The following NOX4 variants were observed in gnomAD, a reference collection of about 807,000 sequenced individuals.
NOX4 encodes NADPH oxidase 4.
Under a neutral mutation model 87.6 loss-of-function variants are expected in NOX4, and 69 were observed. The ratio of observed to expected loss-of-function variants is 0.79; its 90% CI spans 0.65 to 0.96. The LOEUF is 0.96. Ranked by LOEUF, NOX4 falls within the 40% of genes least tolerant of loss-of-function variation. The pLI, the probability that NOX4 is intolerant of heterozygous loss-of-function variation, is 0.00. For missense variants in NOX4, 680 were observed against 681.5 expected, an observed-to-expected ratio of 1.00 and a Z score of 0.02; for synonymous variants, 275 against 238.2, an observed-to-expected ratio of 1.15 and a Z score of -1.42.
intron 2 of NOX4, among the ~76,000 whole-genome samples, chr11:89,462,491 G>A (rs1945513864): frequency 6.6e-6 from 1 of 152,092 alleles, no homozygotes; most frequent in South Asian, 2.1e-4. Context: ...TTCAGAATGT[G>A]TTTCTTGTGT....
chr11:89,393,790 T>C (rs1941286643), intron 11 of NOX4, among the ~76,000 whole-genome samples: 1 of 152,130 alleles, frequency 6.6e-6, no homozygotes. Context: ...CTTAGCAAGG[T>C]TGAGAGATAC....
intron 13 of NOX4, among the ~76,000 whole-genome samples, chr11:89,350,393 A>G (rs181851674): frequency 1.1e-3 from 165 of 152,242 alleles, no homozygotes; most frequent in Non-Finnish European, 1.9e-3. Context: ...ATTATTTGTT[A>G]GATGTCTCTT....
chr11:89,550,149 C>G, the NOX4 span, among the ~76,000 whole-genome samples: 15 of 151,982 alleles, frequency 9.9e-5, no homozygotes, highest in African/African-American at 2.7e-4. Flanking sequence ...TCCACAGCCT[C>G]GCCAGTATCG....
At chr11:89,581,743 T>C in the NOX4 span, among the ~76,000 whole-genome samples, 1 of 152,168 alleles carries the variant, frequency 6.6e-6, no homozygotes, top group Non-Finnish European at 1.5e-5. Flanking sequence ...CTGTACATAT[T>C]TAATGCATAT....
chr11:89,461,715 A>G (rs763251859), intron 2 of NOX4, among the ~76,000 whole-genome samples: 30 of 152,048 alleles, frequency 2.0e-4, no homozygotes, highest in Non-Finnish European at 3.5e-4. Context: ...GCAGCAGAAG[A>G]AAGTGGAATG....
the NOX4 span, among the ~76,000 whole-genome samples, chr11:89,549,121 A>T: frequency 6.6e-6 from 1 of 152,140 alleles, no homozygotes; most frequent in Non-Finnish European, 1.5e-5. Flanking sequence ...TTCATTATTT[A>T]TTGTAATTCT....
At chr11:89,474,992 C>G (rs1345303708) in intron 2 of NOX4, among the ~76,000 whole-genome samples, 1 of 151,560 alleles carries the variant, frequency 6.6e-6, no homozygotes, top group Non-Finnish European at 1.5e-5. Context: ...ATAACAGAAG[C>G]CAACTGCATT....
chr11:89,428,888 C>T (rs567771738), intron 7 of NOX4, among the ~76,000 whole-genome samples: 1 of 152,298 alleles, frequency 6.6e-6, no homozygotes, highest in Admixed American at 6.5e-5. Flanking sequence ...ACAGAACTCT[C>T]CACTCCAATC....
intron 2 of NOX4, among the ~76,000 whole-genome samples, chr11:89,488,221 T>A (rs143042733): frequency 1.9e-3 from 290 of 152,208 alleles, no homozygotes; most frequent in African/African-American, 6.8e-3. Context: ...TTCTTGAATC[T>A]GTTTCTTATC....
chr11:89,438,817 ATTATATAATATCTTATATATT>A (rs1944271571), intron 6 of NOX4, among the ~76,000 whole-genome samples: 5 of 18,156 alleles, frequency 2.8e-4, no homozygotes, highest in South Asian at 2.0e-3. Flanking sequence ...TATTATATAT[ATTATATAATATCTTATATATT>A]ATATATATTA....
intron 3 of NOX4, among the ~76,000 whole-genome samples, chr11:89,451,216 A>G (rs1944944918): frequency 6.6e-6 from 1 of 152,038 alleles, no homozygotes; most frequent in African/African-American, 2.4e-5. Context: ...AGTATAATAA[A>G]AAAAGACATG....
Position 89,326,600 on chromosome 11 carries a change from A to G in NOX4, c.*156T>C, listed in dbSNP as rs542568973. 5.4e-6 allele frequency: 3 copies of G among 555,140 alleles called. No individual in the cohort carries two copies. In the African/African-American group the frequency reaches 5.8e-5, roughly 11 times the overall value. The allele number at this position is 555,140 out of a possible 1,614,324, so 34.4% of individuals were successfully genotyped here. ...AGATTAAACATGTAATGTGACGGTC[A>G]TCTTGCCACATTCTCACATTTCCAT... On this transcript the variant is annotated 3_prime_UTR_variant, in exon 18 of 18. Transcript: ENST00000263317.
chr11:89,580,640 G>A, the NOX4 span, among the ~76,000 whole-genome samples: 32 of 151,982 alleles, frequency 2.1e-4, no homozygotes, highest in African/African-American at 7.0e-4. Context: ...GGAATATGGA[G>A]GCTCACTCTA....
In NOX4 at chr11:89,351,475, C is replaced by T. The variant is rs145000200; in HGVS notation, c.1217+3487G>A. On this transcript the variant is annotated intron_variant, in intron 13 of 17. Transcript: ENST00000263317. The stretch of plus-strand genomic sequence containing the variant: ...CAACAGATTTTCAATGTAGACAAGA[C>T]AGCCATCAAGTGGTAGACGCCATCT... Among the ~76,000 whole-genome samples, 56 of 152,240 alleles carry T rather than the reference C, an allele frequency of 3.7e-4. 1 individual carries two copies. In the East Asian group the frequency reaches 0.011, roughly 29 times the overall value.
At chr11:89,332,918 A>G (rs940511894) in intron 17 of NOX4, among the ~76,000 whole-genome samples, 2 of 151,886 alleles carry the variant, frequency 1.3e-5, no homozygotes, top group African/African-American at 4.8e-5. Context: ...TCTGAATTTA[A>G]AAAAAGCAAC....
intron 2 of NOX4, among the ~76,000 whole-genome samples, chr11:89,477,442 C>T (rs529346947): frequency 6.6e-6 from 1 of 152,278 alleles, no homozygotes; most frequent in East Asian, 1.9e-4. Context: ...GCCAGCTGCT[C>T]ACCTCCTGCT....
At chr11:89,549,400 A>T in the NOX4 span, among the ~76,000 whole-genome samples, 1 of 152,268 alleles carries the variant, frequency 6.6e-6, no homozygotes, top group Admixed American at 6.5e-5. Flanking sequence ...GTTTCCTTCA[A>T]ATGTGTTAGT....
At chr11:89,373,765 CA>C (rs1217871070) in intron 11 of NOX4, among the ~76,000 whole-genome samples, 1 of 151,968 alleles carries the variant, frequency 6.6e-6, no homozygotes, top group African/African-American at 2.4e-5. Flanking sequence ...CATTTAACTA[CA>C]AATCTTGCTA....
chr11:89,403,636 G>A (rs1942001136), intron 8 of NOX4, among the ~76,000 whole-genome samples: 1 of 152,096 alleles, frequency 6.6e-6, no homozygotes, highest in Non-Finnish European at 1.5e-5. Flanking sequence ...CAGCTACTTG[G>A]GAGGCTGAGG....
Sources: gnomAD v4.1 joint callset for allele counts (sites outside exome capture counted in the v4.1 genomes callset) on GRCh38, gnomAD v4.1.1 for gene constraint, MANE v1.5 for transcripts, NCBI Gene and HGNC (gene_info 2026-07-23, HGNC 2026-07-21) for gene names.